PGM5: variants seen among roughly 807,000 people sequenced by gnomAD.
PGM5 encodes phosphoglucomutase-like protein 5.
PGM5 carries 23 observed loss-of-function variants against 59.2 expected under a neutral mutation model. The ratio of observed to expected loss-of-function variants is 0.39; its 90% CI spans 0.28 to 0.55. The LOEUF is 0.55. PGM5 is among the 20% of genes least tolerant of loss of function. The pLI, the probability that PGM5 is intolerant of heterozygous loss-of-function variation, is 0.66. For missense variants in PGM5, 574 were observed against 748.3 expected (o/e 0.77, Z 2.72); for synonymous variants, 214 against 286.0 (o/e 0.75, Z 2.54).
At chr9:68,366,284 CAG>C (rs1346747578) in intron 1 of PGM5, among the ~76,000 whole-genome samples, 1 of 151,740 alleles carries the variant, frequency 6.6e-6, no homozygotes, top group African/African-American at 2.4e-5. Context: ...AGGAAAAACT[CAG>C]AAAAAATCTA....
At chr9:68,400,139 A>G (rs1822628632) in intron 6 of PGM5, among the ~76,000 whole-genome samples, 1 of 152,016 alleles carries the variant, frequency 6.6e-6, no homozygotes, top group South Asian at 2.1e-4. Context: ...CCTCTTCTGT[A>G]CTGTCCCAAG....
chr9:68,465,243 C>T lies in PGM5; in HGVS notation c.1159+35C>T, dbSNP rs370002972. 4.3e-5 allele frequency: 57 copies of T among 1,325,414 alleles called. No individual in the cohort carries two copies. In the Middle Eastern group the frequency reaches 5.5e-4, roughly 13 times the overall value. The allele number at this position is 1,325,414 out of a possible 1,614,324, so 82.1% of individuals were successfully genotyped here. The stretch of plus-strand genomic sequence containing the variant: ...GTTGGGTTGATATTACTGGGGAGGG[C>T]GGCTGCAGCCTTTTGTGATCTCAGT... On this transcript the variant is annotated intron_variant, in intron 7 of 10. Transcript: ENST00000396396.
chr9:68,477,994 C>T (rs1305021256), intron 7 of PGM5, among the ~76,000 whole-genome samples: 1 of 152,224 alleles, frequency 6.6e-6, no homozygotes, highest in African/African-American at 2.4e-5. Flanking sequence ...GAAGCTGAGG[C>T]TCAGGGGAAT....
intron 9 of PGM5, among the ~76,000 whole-genome samples, 170 bp downstream of exon 9, chr9:68,484,218 T>C (rs1824249698): frequency 6.6e-6 from 1 of 151,828 alleles, no homozygotes; most frequent in Admixed American, 6.6e-5. Context: ...AACAAGTTAG[T>C]GCACAGGGTA....
At chr9:68,517,621 G>A (rs1248188285) in intron 10 of PGM5, among the ~76,000 whole-genome samples, 1 of 152,166 alleles carries the variant, frequency 6.6e-6, no homozygotes, top group Non-Finnish European at 1.5e-5. Flanking sequence ...TTGTTAATAT[G>A]TGAGCTCAAG....
chr9:68,387,551 C>T lies in PGM5; in HGVS notation c.660C>T (p.Pro220=). Residue 220 remains proline (P), a synonymous_variant, in exon 4 of 11, where the codon CCC becomes CCT. Transcript: ENST00000396396. ...FHAIKGLLTG[P]SQLKIRIDAM... ...CCATCAAGGGTTTGCTGACTGGACCCAGCCAACTGAAGATTCGCATTGACG... is the reference window on the plus strand; with the variant it reads ...CCATCAAGGGTTTGCTGACTGGACCTAGCCAACTGAAGATTCGCATTGACG... 1 of 1,612,216 alleles carries T rather than the reference C, an allele frequency of 6.2e-7. No individual in the cohort carries two copies. Among genetic ancestry groups the T allele is most frequent in the Non-Finnish European group, 8.5e-7 (1 of 1,178,654 alleles).
chr9:68,384,610 G>T, intron 3 of PGM5, 66 bp downstream of exon 3: 1 of 1,059,094 alleles, frequency 9.4e-7, no homozygotes, highest in Admixed American at 2.2e-5. Context: ...GGTTTCTGTA[G>T]GGAAGTAAAC....
intron 10 of PGM5, among the ~76,000 whole-genome samples, chr9:68,512,132 T>A (rs555035791): frequency 2.6e-5 from 4 of 152,330 alleles, no homozygotes; most frequent in African/African-American, 9.6e-5. Flanking sequence ...ATCCAAATAA[T>A]GTGCAATCTG....
At chr9:68,511,545 C>CTTTTTTTTTTTTTTT (rs3064033) in intron 10 of PGM5, among the ~76,000 whole-genome samples, 1 of 62,736 alleles carries the variant, frequency 1.6e-5, no homozygotes, top group Non-Finnish European at 2.8e-5. Flanking sequence ...TTGTTTTTGC[C>CTTTTTTTTTTTTTTT]TTTTTTTTTT....
chr9:68,433,571 T>C (rs551331338), intron 6 of PGM5, among the ~76,000 whole-genome samples: 2 of 152,370 alleles, frequency 1.3e-5, no homozygotes, highest in East Asian at 1.9e-4. Context: ...AACTCTCATT[T>C]AGGCCAGATT....
At chr9:68,428,889 T>G (rs1271201282) in intron 6 of PGM5, 2 of 152,244 alleles carry the variant, frequency 1.3e-5, no homozygotes, top group East Asian at 3.8e-4. Context: ...TGCAAAAAGT[T>G]ACTGCCACAT....
At chr9:68,405,651 G>A (rs868963442) in intron 6 of PGM5, 36 of 152,464 alleles carry the variant, frequency 2.4e-4, no homozygotes, top group Middle Eastern at 1.2e-3. Context: ...CCTTCCCTTC[G>A]CTTCTCCTTC....
intron 8 of PGM5, among the ~76,000 whole-genome samples, chr9:68,482,318 C>A (rs1824209917): frequency 6.6e-6 from 1 of 152,032 alleles, no homozygotes; most frequent in South Asian, 2.1e-4. Context: ...TTACCTTCTC[C>A]AAATGTCTAC....
chr9:68,489,471 T>TC (rs1824352485), intron 9 of PGM5, among the ~76,000 whole-genome samples: 2 of 146,550 alleles, frequency 1.4e-5, no homozygotes, highest in African/African-American at 5.0e-5. Context: ...TTTCTTTTCT[T>TC]TTTTTTTTTT....
intron 6 of PGM5, among the ~76,000 whole-genome samples, chr9:68,436,468 G>T (rs188614072): frequency 6.6e-6 from 1 of 152,148 alleles, no homozygotes; most frequent in Non-Finnish European, 1.5e-5. Context: ...GAATGAAGAC[G>T]AGCAGCCAGA....
chr9:68,529,313 G>C (rs576188616), intron 10 of PGM5, among the ~76,000 whole-genome samples: 1 of 151,974 alleles, frequency 6.6e-6, no homozygotes, highest in African/African-American at 2.4e-5. Flanking sequence ...TAGTTGGGTT[G>C]TACATTTTCC....
At chr9:68,398,797 C>A (rs1822582594) in intron 6 of PGM5, 1 of 152,212 alleles carries the variant, frequency 6.6e-6, no homozygotes, top group South Asian at 2.1e-4. Flanking sequence ...CTTATTTCTA[C>A]TTGCTTATCT....
At chr9:68,414,551 G>A (rs1554681835) in intron 6 of PGM5, among the ~76,000 whole-genome samples, 1 of 151,858 alleles carries the variant, frequency 6.6e-6, no homozygotes, top group Non-Finnish European at 1.5e-5. Context: ...CCTCTGCCCT[G>A]GGCAGGCTGG....
rs1463528135 is a variant in PGM5 at position 68,356,797 on chromosome 9, C to G, written c.-331C>G. 1.2e-5 allele frequency: 3 copies of G among 259,774 alleles called. No homozygotes were observed. The highest frequency in any genetic ancestry group is 2.2e-5 in the Non-Finnish European group (3 of 138,700). The allele number at this position is 259,774 out of a possible 1,614,324, so 16.1% of individuals were successfully genotyped here. The stretch of plus-strand genomic sequence containing the variant: ...GGGTCGGGCTAGCAGGCCCTGGAAT[C>G]AGGCTTTTGGGACACCCCGAAAGTG... On this transcript the variant is annotated 5_prime_UTR_variant, in exon 1 of 11. The change creates a new upstream start codon in the 5' untranslated region. Coordinates refer to ENST00000396396, the MANE Select transcript of PGM5 (RefSeq NM_021965.4).
Sources: gnomAD v4.1 joint callset for allele counts (sites outside exome capture counted in the v4.1 genomes callset) on GRCh38, gnomAD v4.1.1 for gene constraint, MANE v1.5 for transcripts, NCBI Gene and HGNC (gene_info 2026-07-23, HGNC 2026-07-21) for gene names.